The following NTM variants were observed in gnomAD, a reference collection of about 807,000 sequenced individuals.
NTM encodes the protein IgLON family member 2.
Under a neutral mutation model 42.1 loss-of-function variants are expected in NTM, and 13 were observed. The ratio of observed to expected loss-of-function variants is 0.31; its 90% CI spans 0.20 to 0.49. NTM has a LOEUF of 0.49. Among genes scored for constraint, NTM ranks in the 20% least tolerant of loss-of-function variants. The pLI is 0.99. For missense variants in NTM, 373 were observed against 452.8 expected (o/e 0.82, Z 1.60); for synonymous variants, 187 against 179.2 (o/e 1.04, Z -0.35).
At chr11:132,126,382 A>G (rs1432149870) in intron 2 of NTM, among the ~76,000 whole-genome samples, 2 of 152,088 alleles carry the variant, frequency 1.3e-5, no homozygotes, top group Non-Finnish European at 2.9e-5. Context: ...TGTTCCTTCT[A>G]CTTTTTTTCC....
intron 2 of NTM, among the ~76,000 whole-genome samples, chr11:132,027,990 A>G (rs914070797): frequency 3.3e-5 from 5 of 150,600 alleles, no homozygotes; most frequent in African/African-American, 1.2e-4. Flanking sequence ...TTCCTTGGCC[A>G]TATCCAGTCT....
intron 2 of NTM, among the ~76,000 whole-genome samples, chr11:132,143,154 C>T (rs2069555135): frequency 6.6e-6 from 1 of 152,088 alleles, no homozygotes; most frequent in South Asian, 2.1e-4. Flanking sequence ...TGTTTCATAC[C>T]AGGGTCCTTT....
intron 1 of NTM, among the ~76,000 whole-genome samples, chr11:131,684,237 C>T (rs775037155): frequency 6.6e-6 from 1 of 152,162 alleles, no homozygotes; most frequent in African/African-American, 2.4e-5. Context: ...ACGAGGACGT[C>T]CTGACGACAG....
At chr11:131,716,433 T>C (rs1346294189) in intron 1 of NTM, among the ~76,000 whole-genome samples, 1 of 152,196 alleles carries the variant, frequency 6.6e-6, no homozygotes, top group East Asian at 1.9e-4. Flanking sequence ...ATATTTAGCT[T>C]TTAAGAAATT....
intron 1 of NTM, among the ~76,000 whole-genome samples, chr11:131,822,034 C>A (rs562757718): frequency 6.6e-6 from 1 of 152,108 alleles, no homozygotes; most frequent in African/African-American, 2.4e-5. Context: ...TCAGGAAAGT[C>A]GAAACACTTT....
intron 1 of NTM, among the ~76,000 whole-genome samples, chr11:131,570,982 T>A (rs1447477421): frequency 6.6e-6 from 1 of 152,208 alleles, no homozygotes. Context: ...AAGAGCTGAT[T>A]AAGGCAGCAT....
chr11:131,482,139 A>C (rs1410808450), intron 1 of NTM, among the ~76,000 whole-genome samples: 2 of 152,212 alleles, frequency 1.3e-5, no homozygotes, highest in East Asian at 3.9e-4. Flanking sequence ...ATTAATGGTC[A>C]AGCCCTTTTT....
intron 1 of NTM, among the ~76,000 whole-genome samples, chr11:131,745,007 A>G (rs938302698): frequency 1.3e-5 from 2 of 152,202 alleles, no homozygotes; most frequent in Non-Finnish European, 2.9e-5. Flanking sequence ...AGAGCTGCAA[A>G]TGGTGATTCA....
chr11:131,453,541 T>TA (rs35668574), intron 1 of NTM, among the ~76,000 whole-genome samples: 61,682 of 150,598 alleles, frequency 0.41, 12,862 homozygotes, highest in African/African-American at 0.51. Flanking sequence ...AGACTTTCAT[T>TA]AAAAAAAAAT....
intron 2 of NTM, among the ~76,000 whole-genome samples, chr11:132,034,613 T>A (rs1408555204): frequency 1.3e-5 from 2 of 152,226 alleles, no homozygotes; most frequent in Admixed American, 1.3e-4. Context: ...GTCGTGTTTC[T>A]CCACCTTTGA....
chr11:132,311,492 C>T (rs1455794932), intron 6 of NTM, among the ~76,000 whole-genome samples: 2 of 152,118 alleles, frequency 1.3e-5, no homozygotes, highest in Non-Finnish European at 2.9e-5. Context: ...TCCCCTTCTT[C>T]CAAGAAAGAA....
At chr11:131,995,430 A>T (rs1428863101) in intron 2 of NTM, among the ~76,000 whole-genome samples, 1 of 152,080 alleles carries the variant, frequency 6.6e-6, no homozygotes, top group Non-Finnish European at 1.5e-5. Flanking sequence ...GTAACTGTGC[A>T]TCTGGTTTGG....
rs78389733 is a variant in NTM, at chr11:132,195,813, A to T, written c.401-16209A>T. Among the ~76,000 whole-genome samples the T allele has an allele frequency of 2.4e-4, 36 of 152,328 alleles. 1 individual carries two copies. In the East Asian group the frequency reaches 6.8e-3, roughly 29 times the overall value. On this transcript the variant is annotated intron_variant, in intron 3 of 8. Coordinates refer to ENST00000683400, the MANE Select transcript of NTM (RefSeq NM_001352005.2). Reference sequence around the variant, plus strand: ...ATATACAAAATTTAACTCAAGATGGATTATATGCTTAAATGTAAGACCTAA... The same window carrying T: ...ATATACAAAATTTAACTCAAGATGGTTTATATGCTTAAATGTAAGACCTAA...
chr11:131,709,141 G>A (rs895084414), intron 1 of NTM, among the ~76,000 whole-genome samples: 1 of 152,148 alleles, frequency 6.6e-6, no homozygotes, highest in Non-Finnish European at 1.5e-5. Flanking sequence ...GGTACAGAGT[G>A]AGCGGCAGGG....
intron 1 of NTM, among the ~76,000 whole-genome samples, chr11:131,401,818 A>ATATATATATATATATGTG (rs1565465284): frequency 6.5e-4 from 28 of 42,990 alleles, no homozygotes; most frequent in Non-Finnish European, 1.1e-3. Context: ...ATATATATAT[A>ATATATATATATATATGTG]TATATATATA....
At chr11:131,921,161 A>G (rs1415387298) in intron 2 of NTM, among the ~76,000 whole-genome samples, 3 of 152,246 alleles carry the variant, frequency 2.0e-5, no homozygotes, top group Admixed American at 6.5e-5. Context: ...AATTATATTG[A>G]TGTCCTAACC....
At chr11:131,685,368 G>T (rs756012478) in intron 1 of NTM, among the ~76,000 whole-genome samples, 7 of 152,160 alleles carry the variant, frequency 4.6e-5, no homozygotes, top group Non-Finnish European at 1.5e-5. Context: ...ATGGAGAGTC[G>T]GGCAGGCAGG....
chr11:131,682,618 G>T (rs1451519102), intron 1 of NTM, among the ~76,000 whole-genome samples: 1 of 152,228 alleles, frequency 6.6e-6, no homozygotes, highest in South Asian at 2.1e-4. Flanking sequence ...CATGAGCCCG[G>T]TTCTCACTTC....
chr11:132,121,655 T>G (rs2064847125), intron 2 of NTM, among the ~76,000 whole-genome samples: 1 of 152,188 alleles, frequency 6.6e-6, no homozygotes, highest in Admixed American at 6.5e-5. Flanking sequence ...TATTTTCCTT[T>G]CCCATGAGTC....
Sources: gnomAD v4.1 joint callset for allele counts (sites outside exome capture counted in the v4.1 genomes callset) on GRCh38, gnomAD v4.1.1 for gene constraint, MANE v1.5 for transcripts, NCBI Gene and HGNC (gene_info 2026-07-23, HGNC 2026-07-21) for gene names.